CCDC170: variants seen among roughly 807,000 people sequenced by gnomAD.
CCDC170 encodes coiled-coil domain-containing protein 170.
A neutral mutation model predicts 72.6 loss-of-function variants in CCDC170; 69 were observed. That is an observed-to-expected ratio of 0.95 (90% CI 0.78 to 1.16). The LOEUF (loss-of-function observed/expected upper bound fraction) is 1.16. Among genes scored for constraint, CCDC170 ranks in the 50% most tolerant of loss-of-function variants. The probability of loss-of-function intolerance (pLI) is 0.00; values close to 1 mark genes in which losing one functional copy is unlikely to be tolerated. For missense variants in CCDC170, 852 were observed against 832.5 expected (o/e 1.02, Z -0.29); for synonymous variants, 300 against 303.9 (o/e 0.99, Z 0.13).
intron 9 of CCDC170, among the ~76,000 whole-genome samples, chr6:151,600,513 T>C (rs1776690372): frequency 6.6e-6 from 1 of 152,050 alleles, no homozygotes; most frequent in Admixed American, 6.6e-5. Context: ...TTAGGGCCCA[T>C]CCTAATTCAA....
intron 9 of CCDC170, among the ~76,000 whole-genome samples, chr6:151,598,522 C>G (rs1246937683): frequency 6.6e-6 from 1 of 152,154 alleles, no homozygotes; most frequent in African/African-American, 2.4e-5. Flanking sequence ...ACAGCCGAGC[C>G]TTGAATTAGC....
intron 7 of CCDC170, among the ~76,000 whole-genome samples, chr6:151,586,912 G>A (rs4870045): frequency 0.43 from 65,448 of 151,508 alleles, 16,616 homozygotes; most frequent in East Asian, 0.82. Flanking sequence ...AGCCTCCCAA[G>A]TAGCTGAGAT....
At chr6:151,544,852 A>AAAAAGAAAAAAAATTTTTTTTCTTT in intron 4 of CCDC170, 136 bp downstream of exon 4, 1 of 755,862 alleles carries the variant, frequency 1.3e-6, no homozygotes, top group Non-Finnish European at 2.1e-6. Context: ...AATTAACTGT[A>AAAAAGAAAAAAAATTTTTTTTCTTT]TGACTTGGGA....
chr6:151,593,255 C>T lies in CCDC170; in HGVS notation c.1442C>T (p.Thr481Ile), dbSNP rs1316790258. 9 of 1,613,744 alleles carry T rather than the reference C, an allele frequency of 5.6e-6. No individual in the cohort carries two copies. The highest frequency in any genetic ancestry group is 3.3e-4 in the Middle Eastern group (2 of 6,082). The stretch of plus-strand genomic sequence containing the variant: ...AGCAATGCAGTCATTGAGAACAAGA[C>T]CATTGCCCACAATTTGCAGAGAAAG... ...LESNAVIENKTIAHNLQRKLK... is the reference protein window; with the variant it reads ...LESNAVIENKIIAHNLQRKLK... Residue 481 changes from threonine to isoleucine, a missense_variant, in exon 8 of 11, where the codon ACC becomes ATC. Thr to Ile is a moderately conservative substitution (Grantham distance 89, BLOSUM62 -1). Coordinates refer to ENST00000239374, the MANE Select transcript of CCDC170 (RefSeq NM_025059.4).
intron 6 of CCDC170, among the ~76,000 whole-genome samples, chr6:151,577,752 C>T (rs1384367644): frequency 2.6e-5 from 4 of 152,146 alleles, no homozygotes; most frequent in African/African-American, 9.7e-5. Context: ...GCGAGCATTG[C>T]TTCCTGAGTT....
chr6:151,562,648 A>G (rs1776058292), intron 5 of CCDC170, among the ~76,000 whole-genome samples: 1 of 152,148 alleles, frequency 6.6e-6, no homozygotes, highest in South Asian at 2.1e-4. Context: ...GGGGGTGCAG[A>G]GTCCTGGGGC....
chr6:151,525,174 C>T (rs763514675), intron 1 of CCDC170, among the ~76,000 whole-genome samples: 15 of 152,176 alleles, frequency 9.9e-5, no homozygotes, highest in South Asian at 4.1e-4. Context: ...CCTTGTGATC[C>T]GCCTGCCTCG....
chr6:151,562,957 C>T (rs773916568), intron 5 of CCDC170, among the ~76,000 whole-genome samples: 11 of 152,228 alleles, frequency 7.2e-5, no homozygotes, highest in Non-Finnish European at 1.5e-4. Context: ...GGGCTCATGA[C>T]TTTCATTTCA....
intron 1 of CCDC170, among the ~76,000 whole-genome samples, chr6:151,510,501 T>C (rs948616795): frequency 1.3e-5 from 2 of 152,156 alleles, no homozygotes; most frequent in African/African-American, 4.8e-5. Context: ...AGAGAGGGTG[T>C]GTTAATATAA....
At chr6:151,537,837 G>T (rs1024654224) in intron 2 of CCDC170, among the ~76,000 whole-genome samples, 20 of 151,942 alleles carry the variant, frequency 1.3e-4, no homozygotes, top group Non-Finnish European at 1.0e-4. Flanking sequence ...TTGCTCAATT[G>T]GTTTTGGAAA....
chr6:151,569,311 T>C (rs1421971154), intron 5 of CCDC170, among the ~76,000 whole-genome samples: 4 of 152,220 alleles, frequency 2.6e-5, no homozygotes, highest in African/African-American at 9.6e-5. Context: ...GATGGTTTCA[T>C]TACTTAATGC....
At chr6:151,519,549 G>A (rs9397422) in intron 1 of CCDC170, among the ~76,000 whole-genome samples, 77,024 of 152,076 alleles carry the variant, frequency 0.51, 22,506 homozygotes, top group East Asian at 0.81. Flanking sequence ...TAAGAGGATT[G>A]AGAGATTAAA....
chr6:151,559,044 G>A (rs1214997316), intron 5 of CCDC170, among the ~76,000 whole-genome samples: 1 of 106,994 alleles, frequency 9.3e-6, no homozygotes, highest in Non-Finnish European at 1.8e-5. Flanking sequence ...ACAGAATCTT[G>A]CTCTGTCTCC....
intron 6 of CCDC170, among the ~76,000 whole-genome samples, chr6:151,581,563 C>T (rs1776379840): frequency 6.6e-6 from 1 of 152,152 alleles, no homozygotes; most frequent in South Asian, 2.1e-4. Flanking sequence ...ATAGATGACA[C>T]CTATGATGTT....
rs544609093 is a variant in CCDC170 at position 151,526,725 on chromosome 6, T to C, written c.58-9593T>C. ...GCAATATAATTCCCATTTTAGGCCTTAATTGCCTGATTTTTAGGTGAGGGA... is the reference window on the plus strand; with the variant it reads ...GCAATATAATTCCCATTTTAGGCCTCAATTGCCTGATTTTTAGGTGAGGGA... On this transcript the variant is annotated intron_variant, in intron 1 of 10. Transcript: ENST00000239374. Among the ~76,000 whole-genome samples the C allele has an allele frequency of 2.6e-5, 4 of 152,046 alleles. No homozygotes were observed. The South Asian group carries it at 6.2e-4, about 24-fold the overall frequency.
chr6:151,583,457 C>G (rs1370668902), intron 6 of CCDC170, among the ~76,000 whole-genome samples: 1 of 151,844 alleles, frequency 6.6e-6, no homozygotes, highest in African/African-American at 2.4e-5. Flanking sequence ...AAGTGCGACT[C>G]TTCGCTTTTT....
At chr6:151,611,506 G>A (rs1228615087) in intron 9 of CCDC170, among the ~76,000 whole-genome samples, 3 of 152,040 alleles carry the variant, frequency 2.0e-5, no homozygotes, top group African/African-American at 7.2e-5. Context: ...GCTCTCTGGG[G>A]CCTCTTCTAT....
chr6:151,548,345 A>T lies in CCDC170; in HGVS notation c.630A>T (p.Gln210His), dbSNP rs1782810688. Residue 210 changes from glutamine (Q) to histidine (H), a missense_variant, in exon 5 of 11, where the codon CAA (glutamine) becomes CAT (histidine). Coordinates refer to ENST00000239374, the MANE Select transcript of CCDC170 (RefSeq NM_025059.4). ...AAGAAAATGAATTCGTGAAAGGACA[A>T]ATTGTTATTCTTGAAGAGACTATAA... ...LRKENEFVKG[Q>H]IVILEETINV... The T allele has an allele frequency of 1.2e-6, 2 of 1,601,934 alleles. No individual in the cohort carries two copies. Among genetic ancestry groups the T allele is most frequent in the African/African-American group, 2.7e-5 (2 of 74,450 alleles).
intron 6 of CCDC170, among the ~76,000 whole-genome samples, chr6:151,580,481 A>G (rs1776365310): frequency 6.6e-6 from 1 of 152,140 alleles, no homozygotes. Context: ...CTGCTATATT[A>G]GTAAGTTATA....
Sources: gnomAD v4.1 joint callset for allele counts (sites outside exome capture counted in the v4.1 genomes callset) on GRCh38, gnomAD v4.1.1 for gene constraint, MANE v1.5 for transcripts, NCBI Gene and HGNC (gene_info 2026-07-23, HGNC 2026-07-21) for gene names.